FLII: variants seen among roughly 807,000 people sequenced by gnomAD.
FLII encodes protein flightless-1 homolog.
In FLII, 101 loss-of-function variants were observed where a neutral mutation model predicts 156.2. The observed-to-expected ratio is 0.65, with a 90% confidence interval of 0.55 to 0.76. The LOEUF (loss-of-function observed/expected upper bound fraction) is 0.76, where lower values mean the gene tolerates loss of function less well. FLII is among the 30% of genes least tolerant of loss of function. The probability of loss-of-function intolerance (pLI) is 0.00; values close to 1 mark genes in which losing one functional copy is unlikely to be tolerated. For missense variants in FLII, 1,675 were observed against 1,682.8 expected (o/e 1.00, Z 0.08); for synonymous variants, 767 against 685.8 (o/e 1.12, Z -1.85).
At chr17:18,251,623 TC>T in intron 12 of FLII, 56 bp downstream of exon 12, 9 of 1,608,128 alleles carry the variant, frequency 5.6e-6, no homozygotes, top group Non-Finnish European at 7.6e-6. Flanking sequence ...AAGGCCAGGG[TC>T]GGCCTTCAGC....
rs1597894022 is a variant in FLII, at chr17:18,245,602, C to T, written c.3562G>A (p.Asp1188Asn). 2 of 1,613,894 alleles carry T rather than the reference C, an allele frequency of 1.2e-6. No individual in the cohort carries two copies. Among genetic ancestry groups the T allele is most frequent in the African/African-American group, 1.3e-5 (1 of 74,926 alleles). ...VTEKCSDFCQ[D>N]DLADDDIMLL... ...ATGATGTCATCATCTGCCAGGTCAT[C>T]TTGGCAAAAGTCGGAGCATTTCTCA... The change falls in exon 28 of 30, where the codon GAT becomes AAT. Residue 1188 changes from aspartate to asparagine, a missense_variant. By Grantham distance (23) the Asp-to-Asn change is conservative. Transcript: ENST00000327031.
In FLII at chr17:18,247,303, G is replaced by GTGTGTAGTC; in HGVS notation, c.2533_2541dup (p.Asp845_Thr847dup). ...CTCTGCAGCACGGCCTCCGCATTGC[G>GTGTGTAGTC]TGTGTAGTCCACCGTCAACACATCG... On this transcript the variant is annotated inframe_insertion, in exon 21 of 30. Coordinates refer to ENST00000327031, the MANE Select transcript of FLII (RefSeq NM_002018.4). 1.2e-6 allele frequency: 2 copies of GTGTGTAGTC among 1,611,414 alleles called. No individual in the cohort carries two copies. Among genetic ancestry groups the GTGTGTAGTC allele is most frequent in the Non-Finnish European group, 1.7e-6 (2 of 1,179,206 alleles).
At chr17:18,247,870 G>A (rs2142810038) in intron 19 of FLII, 22 bp from the exon 20 acceptor site, 1 of 1,613,912 alleles carries the variant, frequency 6.2e-7, no homozygotes, top group East Asian at 2.2e-5. Flanking sequence ...GAGTCTGGAG[G>A]TCAAAGCCCA....
At chr17:18,247,429 T>C in intron 20 of FLII, 72 bp from the exon 21 acceptor site, 1 of 1,435,024 alleles carries the variant, frequency 7.0e-7, no homozygotes, top group Admixed American at 2.0e-5. Context: ...GCCCGAGGCT[T>C]GAGGCGGGAC....
Position 18,248,533 on chromosome 17 carries a change from TCAG to T in FLII, c.2190+14_2190+16del. On this transcript the variant is annotated intron_variant, in intron 18 of 29. Transcript: ENST00000327031. ...TGAACTTGGGAGGCCAAGGTGGGCCTCAGCAGCAGGGCTCACCTTGTACAGCTT... is the reference window on the plus strand; with the variant it reads ...TGAACTTGGGAGGCCAAGGTGGGCCTCAGCAGGGCTCACCTTGTACAGCTT... The T allele has an allele frequency of 7.6e-6, 12 of 1,584,704 alleles. No individual in the cohort carries two copies. The highest frequency in any genetic ancestry group is 1.0e-5 in the Non-Finnish European group (12 of 1,162,698).
At position 18,251,258 on chromosome 17, in the gene FLII, C is replaced by T; in HGVS notation, c.1596+7G>A. The T allele has an allele frequency of 6.2e-7, 1 of 1,613,026 alleles. No individual in the cohort carries two copies. Among genetic ancestry groups the T allele is most frequent in the Non-Finnish European group, 8.5e-7 (1 of 1,179,350 alleles). ...ACATGGCCCCTAACAGCATGCCCAGCCCTCACCTTGAGCACAATGTAGCAG... is the reference window on the plus strand; with the variant it reads ...ACATGGCCCCTAACAGCATGCCCAGTCCTCACCTTGAGCACAATGTAGCAG... On this transcript the variant is annotated splice_region_variant and intron_variant, in intron 13 of 29. Coordinates refer to ENST00000327031, the MANE Select transcript of FLII (RefSeq NM_002018.4).
chr17:18,258,876 C>A, upstream of FLII: 1 of 305,134 alleles, frequency 3.3e-6, no homozygotes, highest in Non-Finnish European at 5.8e-6. This position sits in a 1 kb window ranked among gnomAD's most constrained non-coding sequence, Gnocchi z 4.2. Flanking sequence ...TCGAAGACTG[C>A]GGAGGCACCA....
In FLII at chr17:18,257,237, C is replaced by T. The variant is rs926529326; in HGVS notation, c.64-218G>A. ...AAGTGTTGGCCTAAGATTTGTCTCT[C>T]CTACTGGATTCTGGGCCCCAGGAGG... On this transcript the variant is annotated intron_variant, in intron 1 of 29. Coordinates refer to ENST00000327031, the MANE Select transcript of FLII (RefSeq NM_002018.4). 1.5e-5 allele frequency: 8 copies of T among 520,046 alleles called. No individual in the cohort carries two copies. The Middle Eastern group carries it at 1.5e-3, about 98-fold the overall frequency. 32.2% of individuals were successfully genotyped at this position (520,046 alleles called of 1,614,324 possible). A position where few individuals can be genotyped will look rare whatever the true frequency, so the allele number is the denominator to read the frequency against.
At position 18,246,906 on chromosome 17, in the gene FLII, G is replaced by A. The variant is rs754484856; in HGVS notation, c.2816+7C>T. 2 of 1,614,074 alleles carry A rather than the reference G, an allele frequency of 1.2e-6. No individual in the cohort carries two copies. The highest frequency in any genetic ancestry group is 2.7e-5 in the African/African-American group (2 of 74,932). The stretch of plus-strand genomic sequence containing the variant: ...GGGACTTGGGGAAGGGAGTGCTGAG[G>A]TGGTACCTGCAGAGGAAGACGTAGC... On this transcript the variant is annotated splice_region_variant and intron_variant, in intron 22 of 29. Transcript: ENST00000327031.
At chr17:18,248,524 A>C (rs989202597) in intron 18 of FLII, 26 bp downstream of exon 18, 1 of 1,578,796 alleles carries the variant, frequency 6.3e-7, no homozygotes, top group African/African-American at 1.3e-5. Context: ...TGGGAGGCCA[A>C]GGTGGGCCTC....
Position 18,252,519 on chromosome 17 carries a change from G to A in FLII, c.1051C>T (p.His351Tyr), listed in dbSNP as rs2142847272. 6.2e-7 allele frequency: 1 copy of A among 1,613,746 alleles called. No individual in the cohort carries two copies. Among genetic ancestry groups the A allele is most frequent in the Non-Finnish European group, 8.5e-7 (1 of 1,180,018 alleles). The stretch of plus-strand genomic sequence containing the variant: ...ATGGCTTCTGGGAGGGTCACCAGGT[G>A]GTTCTTGTTCAGGACAAGTTTCCTC... ...KLRKLVLNKN[H>Y]LVTLPEAIHF... The change falls in exon 10 of 30, where the codon CAC (histidine) becomes TAC (tyrosine). Residue 351 changes from histidine (H) to tyrosine (Y), a missense_variant. By Grantham distance (83) the His-to-Tyr change is moderately conservative. This residue lies in a region of FLII where 1,332 missense variants were observed against 1,269.3 expected (regional missense o/e 1.05). Coordinates refer to ENST00000327031, the MANE Select transcript of FLII (RefSeq NM_002018.4).
chr17:18,253,352 T>A lies in FLII; in HGVS notation c.962A>T (p.Glu321Val). ...CAGGTTGTTGTTGGCAGCCATGAAC[T>A]CTTCCAGGTTGGTGAGCTTGCCAAT... is the stretch of plus-strand genomic sequence containing the variant. ...SGIGKLTNLE[E>V]FMAANNNLEL... Residue 321 changes from glutamate (E) to valine (V), a missense_variant, in exon 9 of 30, where the codon GAG becomes GTG. Around this residue, in one of 2 missense-constraint regions of FLII, gnomAD observed 1,332 missense variants for 1,269.3 expected, o/e 1.05. Transcript: ENST00000327031. The A allele has an allele frequency of 6.2e-7, 1 of 1,613,952 alleles. No homozygotes were observed. The highest frequency in any genetic ancestry group is 1.1e-5 in the South Asian group (1 of 91,084).
chr17:18,251,843 C>T (rs1380390440), intron 11 of FLII, 27 bp from the exon 12 acceptor site: 1 of 1,612,714 alleles, frequency 6.2e-7, no homozygotes, highest in East Asian at 2.2e-5. Context: ...ACAGCTGAGC[C>T]CTCACTGGGC....
intron 9 of FLII, 70 bp from the exon 10 acceptor site, chr17:18,252,626 A>G: frequency 8.0e-7 from 1 of 1,244,582 alleles, no homozygotes; most frequent in South Asian, 1.2e-5. Context: ...GAAAACCCCT[A>G]GTCCTGGGGA....
Position 18,255,195 on chromosome 17 carries a change from A to G in FLII, c.315T>C (p.Asp105=), listed in dbSNP as rs2048379164. ...GVPDDIFKLD[D]LSVLDLSHNQ... ...GGTAGCCACTGACCAGGACTGAGAGATCATCTAGCTTGAAGATGTCATCGG... is the reference window on the plus strand; with the variant it reads ...GGTAGCCACTGACCAGGACTGAGAGGTCATCTAGCTTGAAGATGTCATCGG... Residue 105 remains aspartate (D), a synonymous_variant, in exon 4 of 30, where the codon GAT becomes GAC. Transcript: ENST00000327031. 1 of 1,613,606 alleles carries G rather than the reference A, an allele frequency of 6.2e-7. No homozygotes were observed. The highest frequency in any genetic ancestry group is 1.3e-5 in the African/African-American group (1 of 74,900).
rs756286780 is a variant in FLII, at chr17:18,251,737, G to A, written c.1326C>T (p.Ala442=). ...RRKDSAQDDQ[A]KQVLKGMSDV... is the part of the protein sequence containing the mutation. ...CTGACATGCCCTTCAGCACCTGCTT[G>A]GCCTGGTCATCCTGGGCTGAATCCT... Residue 442 remains alanine, a synonymous_variant, in exon 12 of 30, where the codon GCC becomes GCT. Coordinates refer to ENST00000327031, the MANE Select transcript of FLII (RefSeq NM_002018.4). The A allele has an allele frequency of 1.2e-6, 2 of 1,614,024 alleles. No individual in the cohort carries two copies. The highest frequency in any genetic ancestry group is 1.7e-6 in the Non-Finnish European group (2 of 1,180,018).
Position 18,254,186 on chromosome 17 carries a change from C to A in FLII, c.576-4G>T, listed in dbSNP as rs375569506. The A allele has an allele frequency of 1.0e-5, 16 of 1,600,224 alleles. No homozygotes were observed. The highest frequency in any genetic ancestry group is 1.4e-5 in the Non-Finnish European group (16 of 1,173,232). On this transcript the variant is annotated splice_region_variant and splice_polypyrimidine_tract_variant and intron_variant, in intron 6 of 29. Transcript: ENST00000327031. ...GGCCGTCATCGCTGGGAGCTGCCTG[C>A]CAGGGTGACGTGAGTGGTCAGGGCC...
intron 10 of FLII, 25 bp from the exon 11 acceptor site, chr17:18,252,171 G>T: frequency 6.2e-7 from 1 of 1,600,620 alleles, no homozygotes; most frequent in South Asian, 1.1e-5. Context: ...GAGCAGAGCC[G>T]GCACTGAGCC....
intron 18 of FLII, 145 bp downstream of exon 18, chr17:18,248,405 A>T: frequency 1.4e-6 from 1 of 719,450 alleles, no homozygotes; most frequent in Non-Finnish European, 2.3e-6. Flanking sequence ...ACCTTTGCTC[A>T]TACTGTTCCT....
Sources: allele counts gnomAD v4.1 joint callset, GRCh38; gene constraint gnomAD v4.1.1; regional missense constraint gnomAD v4.1.1; non-coding constraint Gnocchi (gnomAD v3.1); transcripts MANE v1.5; gene names NCBI Gene and HGNC (gene_info 2026-07-23, HGNC 2026-07-21).